Variants in SLCO3A1 observed in about 807,000 individuals in gnomAD.
SLCO3A1 encodes PGE1 transporter.
In SLCO3A1, 27 loss-of-function variants were observed where a neutral mutation model predicts 63.1. That is an observed-to-expected ratio of 0.43 (90% CI 0.32 to 0.59). SLCO3A1 has a LOEUF of 0.59. SLCO3A1 is among the 20% of genes least tolerant of loss of function. The probability of loss-of-function intolerance (pLI) is 0.09; values close to 1 mark genes in which losing one functional copy is unlikely to be tolerated. For missense variants in SLCO3A1, 773 were observed against 945.8 expected (o/e 0.82, Z 2.40); for synonymous variants, 473 against 409.9 (o/e 1.15, Z -1.86).
At chr15:92,027,561 G>A (rs749872700) in intron 2 of SLCO3A1, among the ~76,000 whole-genome samples, 16 of 152,184 alleles carry the variant, frequency 1.1e-4, no homozygotes, top group Admixed American at 5.2e-4. Flanking sequence ...CCACAGCACC[G>A]CAGTGCTCTC....
chr15:91,864,624 G>T (rs1897122663), intron 1 of SLCO3A1, among the ~76,000 whole-genome samples: 1 of 151,686 alleles, frequency 6.6e-6, no homozygotes, highest in Non-Finnish European at 1.5e-5. Context: ...TTTCATTGGG[G>T]AATACTTTTG....
intron 2 of SLCO3A1, among the ~76,000 whole-genome samples, chr15:92,037,118 TC>T (rs2046737577): frequency 6.6e-6 from 1 of 152,194 alleles, no homozygotes; most frequent in Admixed American, 6.5e-5. Flanking sequence ...TCAGTTGTAT[TC>T]TATAAGCCCC....
At chr15:91,901,700 T>C (rs1344715245) in intron 1 of SLCO3A1, among the ~76,000 whole-genome samples, 2 of 152,206 alleles carry the variant, frequency 1.3e-5, no homozygotes, top group Non-Finnish European at 2.9e-5. Flanking sequence ...CTTAATCTTA[T>C]TGAGGACCCT....
At position 92,104,963 on chromosome 15, in the gene SLCO3A1, C is replaced by T. The variant is rs921929054; in HGVS notation, c.1009+421C>T. On this transcript the variant is annotated intron_variant, in intron 4 of 9. Coordinates refer to ENST00000318445, the MANE Select transcript of SLCO3A1 (RefSeq NM_013272.4). ...CTTTGAAAAGCCACCTCCAGCCGGG[C>T]GCGGTGGCTGTAATCCCAGCCACCG... Among the ~76,000 whole-genome samples, 682 of 144,954 alleles carry T rather than the reference C, an allele frequency of 4.7e-3. 7 individuals are homozygous for T. Among genetic ancestry groups the T allele is most frequent in the African/African-American group, 0.016 (630 of 40,210 alleles).
chr15:91,926,596 T>TGTGTGTGTGTGTGTGTGTGTGA, intron 2 of SLCO3A1, among the ~76,000 whole-genome samples: 1 of 105,318 alleles, frequency 9.5e-6, no homozygotes. Context: ...TGTGTGTGTG[T>TGTGTGTGTGTGTGTGTGTGTGA]GCGCGCGCGC....
At chr15:92,042,003 G>A (rs1333531503) in intron 2 of SLCO3A1, among the ~76,000 whole-genome samples, 1 of 152,134 alleles carries the variant, frequency 6.6e-6, no homozygotes, top group African/African-American at 2.4e-5. Flanking sequence ...ATAATGAGCA[G>A]AATGCACCTT....
At chr15:92,054,921 T>A (rs1288140178) in intron 2 of SLCO3A1, among the ~76,000 whole-genome samples, 1 of 152,206 alleles carries the variant, frequency 6.6e-6, no homozygotes, top group Non-Finnish European at 1.5e-5. Flanking sequence ...TTCACATGCA[T>A]GTATCTTTAT....
At chr15:92,066,730 C>A (rs1034701833) in intron 2 of SLCO3A1, among the ~76,000 whole-genome samples, 1 of 152,198 alleles carries the variant, frequency 6.6e-6, no homozygotes, top group Non-Finnish European at 1.5e-5. Flanking sequence ...TGTGCTCAGC[C>A]AGGGCCCATT....
chr15:91,945,264 C>T (rs573145413), intron 2 of SLCO3A1, among the ~76,000 whole-genome samples: 2 of 151,712 alleles, frequency 1.3e-5, no homozygotes, highest in South Asian at 4.2e-4. Context: ...ATCACTTGAA[C>T]CTGGGAGGCT....
At chr15:92,126,948 TA>T (rs2047931858) in intron 6 of SLCO3A1, among the ~76,000 whole-genome samples, 1 of 152,196 alleles carries the variant, frequency 6.6e-6, no homozygotes, top group South Asian at 2.1e-4. Context: ...GCCTGCAGGT[TA>T]CCAGTTTCTC....
At chr15:92,161,427 C>G (rs1460761302) in intron 9 of SLCO3A1, 1 of 152,156 alleles carries the variant, frequency 6.6e-6, no homozygotes, top group Non-Finnish European at 1.5e-5. Context: ...CAAAGAAACA[C>G]AGAGAGGAAC....
chr15:91,928,821 G>A (rs531260486), intron 2 of SLCO3A1, among the ~76,000 whole-genome samples: 1 of 152,236 alleles, frequency 6.6e-6, no homozygotes, highest in Non-Finnish European at 1.5e-5. Flanking sequence ...GTAGTAAAGT[G>A]AGAGAAGCTC....
Position 91,916,155 on chromosome 15 carries a change from G to T in SLCO3A1, c.343G>T (p.Val115Phe), listed in dbSNP as rs753660470. 3 of 1,607,154 alleles carry T rather than the reference G, an allele frequency of 1.9e-6. No individual in the cohort carries two copies. The highest frequency in any genetic ancestry group is 1.7e-5 in the Admixed American group (1 of 59,714). ...GCGCCTGATCGGCTGCGGCGGCATC[G>T]TCATGGCGCTGGGCGCGCTGCTGTC... ...RPRLIGCGGI[V>F]MALGALLSAL... Residue 115 changes from valine (V) to phenylalanine (F), a missense_variant, in exon 2 of 10, where the codon GTC (valine) becomes TTC (phenylalanine). By Grantham distance (50) the Val-to-Phe change is conservative. Coordinates refer to ENST00000318445, the MANE Select transcript of SLCO3A1 (RefSeq NM_013272.4). The surrounding 1 kb of genome is among the most constrained non-coding windows in gnomAD (Gnocchi z 6.2).
At chr15:91,953,347 C>T (rs920732212) in intron 2 of SLCO3A1, among the ~76,000 whole-genome samples, 1 of 152,076 alleles carries the variant, frequency 6.6e-6, no homozygotes, top group Non-Finnish European at 1.5e-5. Flanking sequence ...CCTCTGCCCT[C>T]GAGGAGCTTG....
chr15:92,008,863 G>T (rs1467054152), intron 2 of SLCO3A1, among the ~76,000 whole-genome samples: 1 of 152,178 alleles, frequency 6.6e-6, no homozygotes, highest in Non-Finnish European at 1.5e-5. Context: ...GATAGCATCA[G>T]TCATGGTCAA....
chr15:92,040,403 C>T (rs764381401), intron 2 of SLCO3A1, among the ~76,000 whole-genome samples: 2 of 152,058 alleles, frequency 1.3e-5, no homozygotes, highest in Non-Finnish European at 2.9e-5. Context: ...TCATGCTAGG[C>T]CAGTGAATTT....
At chr15:92,114,378 C>CT (rs1233557137) in intron 4 of SLCO3A1, among the ~76,000 whole-genome samples, 2 of 152,142 alleles carry the variant, frequency 1.3e-5, no homozygotes, top group African/African-American at 4.8e-5. Context: ...AGTGTCTGCT[C>CT]TTACGGGGCG....
In SLCO3A1 at chr15:91,968,224, G is replaced by A. The variant is rs1250920299; in HGVS notation, c.646+51766G>A. ...CAGTGCCGGATCAGAGACTGGAAAA[G>A]TCTGTATGCCCCCTCCCTACCTTAC... On this transcript the variant is annotated intron_variant, in intron 2 of 9. Transcript: ENST00000318445. The surrounding 1 kb of genome is among the most constrained non-coding windows in gnomAD (Gnocchi z 4.2). Among the ~76,000 whole-genome samples the A allele has an allele frequency of 1.3e-5, 2 of 152,150 alleles. No homozygotes were observed. The highest frequency in any genetic ancestry group is 4.8e-5 in the African/African-American group (2 of 41,424).
intron 7 of SLCO3A1, 26 bp downstream of exon 7, chr15:92,128,515 G>GCAGGGGATGGGC (rs752040896): frequency 1.2e-5 from 19 of 1,594,470 alleles, no homozygotes; most frequent in Non-Finnish European, 1.5e-5. Flanking sequence ...AGGGGATGGG[G>GCAGGGGATGGGC]CAGGGGATTC....
Sources: gnomAD v4.1 joint callset for allele counts (sites outside exome capture counted in the v4.1 genomes callset) on GRCh38, gnomAD v4.1.1 for gene constraint, Gnocchi (gnomAD v3.1) non-coding constraint, MANE v1.5 for transcripts, NCBI Gene and HGNC (gene_info 2026-07-23, HGNC 2026-07-21) for gene names.